CFTR: variants seen among roughly 807,000 people sequenced by gnomAD.
CFTR encodes the protein CF transmembrane conductance regulator, also known as cystic fibrosis transmembrane conductance regulator.
Under a neutral mutation model 171.6 loss-of-function variants are expected in CFTR, and 181 were observed. The ratio of observed to expected loss-of-function variants is 1.05; its 90% CI spans 0.93 to 1.19. The LOEUF (loss-of-function observed/expected upper bound fraction) is 1.19, where lower values mean the gene tolerates loss of function less well. Ranked by LOEUF, CFTR falls within the 50% of genes most tolerant of loss-of-function variation. The probability of loss-of-function intolerance (pLI) is 0.00; values close to 1 mark genes in which losing one functional copy is unlikely to be tolerated. For missense variants in CFTR, 1,968 were observed against 1,734.7 expected (o/e 1.13, Z -2.39); for synonymous variants, 583 against 608.0 (o/e 0.96, Z 0.60).
intron 1 of CFTR, among the ~76,000 whole-genome samples, chr7:117,488,787 T>C (rs532453693): frequency 6.6e-6 from 1 of 152,244 alleles, no homozygotes; most frequent in African/African-American, 2.4e-5. Context: ...AACATTTATA[T>C]GTAATTTTCT....
intron 11 of CFTR, among the ~76,000 whole-genome samples, chr7:117,583,745 T>G (rs931222731): frequency 1.4e-4 from 22 of 152,148 alleles, no homozygotes; most frequent in African/African-American, 4.6e-4. Flanking sequence ...TTAAGGAATC[T>G]CCATACTGTT....
chr7:117,614,849 C>T, intron 21 of CFTR, 136 bp downstream of exon 21: 1 of 675,284 alleles, frequency 1.5e-6, no homozygotes, highest in Non-Finnish European at 2.7e-6. Flanking sequence ...TTGAGGGTCA[C>T]TGTGTATCTG....
chr7:117,610,625 A>G lies in CFTR; in HGVS notation c.3095A>G (p.Tyr1032Cys), dbSNP rs144055758. 29 of 1,613,562 alleles carry G rather than the reference A, an allele frequency of 1.8e-5. No individual in the cohort carries two copies. Among genetic ancestry groups the G allele is most frequent in the Non-Finnish European group, 2.5e-5 (29 of 1,179,716 alleles). The change falls in exon 19 of 27, where the codon TAT becomes TGT. Residue 1032 changes from tyrosine (Y) to cysteine (C), a missense_variant. Tyr to Cys is a radical substitution (Grantham distance 194). Coordinates refer to ENST00000003084, the MANE Select transcript of CFTR (RefSeq NM_000492.4). ...VIVAFIMLRA[Y>C]FLQTSQQLKQ... is the part of the protein sequence containing the mutation. ...GTGGCTTTTATTATGTTGAGAGCAT[A>G]TTTCCTCCAAACCTCACAGCAACTC...
intron 22 of CFTR, among the ~76,000 whole-genome samples, chr7:117,638,433 C>G (rs1026528349): frequency 2.0e-5 from 3 of 152,016 alleles, no homozygotes; most frequent in African/African-American, 4.8e-5. Context: ...TATATGCTTC[C>G]TTAGAATAGG....
chr7:117,489,750 G>T (rs764400442), intron 1 of CFTR, among the ~76,000 whole-genome samples: 1 of 151,678 alleles, frequency 6.6e-6, no homozygotes, highest in Non-Finnish European at 1.5e-5. Context: ...GACAGCCCAG[G>T]ATCATGTTCG....
rs754392413 is a variant in CFTR at position 117,652,907 on chromosome 7, AGAAATATG to A, written c.3944_3951del (p.Ile1315SerfsTer4). ...ATCCCTATGAACAGTGGAGTGATCA[AGAAATATG>A]GAAAGTTGCAGATGAGGTAAGGCTG... On this transcript the variant is annotated frameshift_variant, in exon 24 of 27. Coordinates refer to ENST00000003084, the MANE Select transcript of CFTR (RefSeq NM_000492.4). LOFTEE classifies it high-confidence loss of function. 6.2e-7 allele frequency: 1 copy of A among 1,605,722 alleles called. No homozygotes were observed. Among genetic ancestry groups the A allele is most frequent in the South Asian group, 1.1e-5 (1 of 90,882 alleles).
In CFTR at chr7:117,667,247, A is replaced by G; in HGVS notation, c.*139A>G. 2 of 811,008 alleles carry G rather than the reference A, an allele frequency of 2.5e-6. No individual in the cohort carries two copies. The highest frequency in any genetic ancestry group is 4.2e-6 in the Non-Finnish European group (2 of 478,984). 50.2% of individuals were successfully genotyped at this position (811,008 alleles called of 1,614,324 possible). On this transcript the variant is annotated 3_prime_UTR_variant, in exon 27 of 27. Coordinates refer to ENST00000003084, the MANE Select transcript of CFTR (RefSeq NM_000492.4). Reference sequence around the variant, plus strand: ...GATGAATTAAGTTTTTTTTTAAAAAAGAAACATTTGGTAAGGGGAATTGAG... The same window carrying G: ...GATGAATTAAGTTTTTTTTTAAAAAGGAAACATTTGGTAAGGGGAATTGAG...
chr7:117,603,042 T>A (rs1792249072), intron 16 of CFTR, among the ~76,000 whole-genome samples, 179 bp downstream of exon 16: 1 of 152,190 alleles, frequency 6.6e-6, no homozygotes, highest in African/African-American at 2.4e-5. Flanking sequence ...AGGTGACACA[T>A]TCCTGTAGTC....
At chr7:117,657,207 T>C (rs1293376884) in intron 24 of CFTR, among the ~76,000 whole-genome samples, 4 of 152,196 alleles carry the variant, frequency 2.6e-5, no homozygotes, top group Non-Finnish European at 4.4e-5. Flanking sequence ...AAATATAATC[T>C]AAAATCTTAG....
intron 23 of CFTR, among the ~76,000 whole-genome samples, chr7:117,648,510 T>C (rs541487699): frequency 5.3e-5 from 8 of 152,234 alleles, no homozygotes; most frequent in African/African-American, 1.7e-4. Context: ...ATATATGGCA[T>C]TAAATAAATA....
chr7:117,587,677 C>A, intron 11 of CFTR, 62 bp from the exon 12 acceptor site: 2 of 939,296 alleles, frequency 2.1e-6, no homozygotes, highest in Non-Finnish European at 1.8e-6. Context: ...GGAAGATGTG[C>A]CTTTCAAATT....
At chr7:117,590,215 T>G in intron 12 of CFTR, 138 bp from the exon 13 acceptor site, 18 of 974,062 alleles carry the variant, frequency 1.8e-5, no homozygotes, top group East Asian at 2.7e-5. Context: ...GCACCACTTT[T>G]GAGAATAGTG....
chr7:117,545,835 T>C (rs562909916), intron 9 of CFTR, among the ~76,000 whole-genome samples: 3 of 152,116 alleles, frequency 2.0e-5, no homozygotes, highest in African/African-American at 7.2e-5. Context: ...TTTTTTTTCT[T>C]TAAGAGATAG....
chr7:117,568,267 T>C (rs1337232567), intron 11 of CFTR, among the ~76,000 whole-genome samples: 1 of 152,170 alleles, frequency 6.6e-6, no homozygotes, highest in African/African-American at 2.4e-5. Context: ...GACTGAACTT[T>C]ACACTGGGGG....
rs1395987138 is a variant in CFTR, at chr7:117,504,257, A to T, written c.58A>T (p.Thr20Ser). Residue 20 changes from threonine to serine, a missense_variant, in exon 2 of 27, where the codon ACC (threonine) becomes TCC (serine). Physicochemically the swap from Thr to Ser is moderately conservative, Grantham distance 58 (BLOSUM62 1). Coordinates refer to ENST00000003084, the MANE Select transcript of CFTR (RefSeq NM_000492.4). ...TTCCTCCTCTCTTTATTTTAGCTGG[A>T]CCAGACCAATTTTGAGGAAAGGATA... ...SVVSKLFFSW[T>S]RPILRKGYRQ... 2 of 1,596,482 alleles carry T rather than the reference A, an allele frequency of 1.3e-6. No homozygotes were observed. Among genetic ancestry groups the T allele is most frequent in the South Asian group, 2.2e-5 (2 of 90,762 alleles).
intron 22 of CFTR, among the ~76,000 whole-genome samples, chr7:117,635,370 CA>C (rs1792810316): frequency 6.6e-6 from 1 of 151,982 alleles, no homozygotes; most frequent in African/African-American, 2.4e-5. Flanking sequence ...GCAAATAGTT[CA>C]GAGTTGTTTT....
intron 24 of CFTR, among the ~76,000 whole-genome samples, chr7:117,663,257 T>A (rs1715338949): frequency 6.6e-6 from 1 of 152,180 alleles, no homozygotes; most frequent in Admixed American, 6.5e-5. Flanking sequence ...TCTAACTCCC[T>A]GCCCAGTGCC....
chr7:117,491,799 G>A (rs1003330100), intron 1 of CFTR, among the ~76,000 whole-genome samples: 10 of 152,002 alleles, frequency 6.6e-5, no homozygotes, highest in Non-Finnish European at 2.9e-5. Flanking sequence ...CTTAGGTACC[G>A]GGGGTTAGGA....
At chr7:117,548,511 AG>A in intron 9 of CFTR, 129 bp from the exon 10 acceptor site, 6 of 1,494,038 alleles carry the variant, frequency 4.0e-6, no homozygotes, top group Non-Finnish European at 5.4e-6. Context: ...TAATGTATAC[AG>A]TGTAATGGAT....
Sources: gnomAD v4.1 joint callset for allele counts (sites outside exome capture counted in the v4.1 genomes callset) on GRCh38, gnomAD v4.1.1 for gene constraint, MANE v1.5 for transcripts, NCBI Gene and HGNC (gene_info 2026-07-23, HGNC 2026-07-21) for gene names.